IL12B: variants seen among roughly 807,000 people sequenced by gnomAD.
The protein encoded by IL12B is interleukin-12 subunit beta.
A neutral mutation model predicts 39.2 loss-of-function variants in IL12B; 27 were observed. The observed-to-expected ratio is 0.69, with a 90% CI of 0.51 to 0.95. IL12B has a LOEUF of 0.95. Ranked by LOEUF, IL12B falls within the 40% of genes least tolerant of loss-of-function variation. The pLI is 0.00. For synonymous variants in IL12B, 142 were observed against 152.1 expected (o/e 0.93, Z 0.49); for missense variants, 351 against 397.6 (o/e 0.88, Z 1.00).
At chr5:159,319,914 TA>T (rs1453041684) in intron 5 of IL12B, among the ~76,000 whole-genome samples, 2 of 152,222 alleles carry the variant, frequency 1.3e-5, no homozygotes, top group Non-Finnish European at 1.5e-5. Flanking sequence ...TTTCAAATGC[TA>T]AGGAAGGATT....
chr5:159,323,696 A>G (rs980449558), intron 2 of IL12B, among the ~76,000 whole-genome samples: 1 of 152,146 alleles, frequency 6.6e-6, no homozygotes, highest in Non-Finnish European at 1.5e-5. Context: ...TTCATAGAGA[A>G]TACGGCAGGG....
intron 3 of IL12B, among the ~76,000 whole-genome samples, chr5:159,322,847 C>T (rs1754116289): frequency 6.6e-6 from 1 of 152,078 alleles, no homozygotes; most frequent in Non-Finnish European, 1.5e-5. Flanking sequence ...CATGAAACTC[C>T]CTTAATATGA....
chr5:159,324,032 T>C (rs1197851042), intron 2 of IL12B, among the ~76,000 whole-genome samples: 1 of 152,162 alleles, frequency 6.6e-6, no homozygotes, highest in Non-Finnish European at 1.5e-5. Flanking sequence ...CAATTTTCCA[T>C]GGATATTTAA....
intron 4 of IL12B, 50 bp from the exon 5 acceptor site, chr5:159,320,570 T>A: frequency 6.8e-7 from 1 of 1,474,524 alleles, no homozygotes; most frequent in Non-Finnish European, 9.5e-7. Flanking sequence ...GGGAGAGAGT[T>A]CCTAGTGATT....
Position 159,315,375 on chromosome 5 carries a change from G to A in IL12B, c.*726C>T, listed in dbSNP as rs1441890099. On this transcript the variant is annotated 3_prime_UTR_variant, in exon 8 of 8. Transcript: ENST00000231228. ...GCCTGGCTAATTTTAAATTTTTTTT[G>A]TAGAGACGGGGTCTTGTTATGTTTC... The A allele has an allele frequency of 6.6e-6, 1 of 152,024 alleles. No individual in the cohort carries two copies. The highest frequency in any genetic ancestry group is 1.5e-5 in the Non-Finnish European group (1 of 68,000). 9.4% of individuals were successfully genotyped at this position (152,024 alleles called of 1,614,324 possible).
At position 159,322,485 on chromosome 5, in the gene IL12B, A is replaced by T. The variant is rs1235118140; in HGVS notation, c.391T>A (p.Cys131Ser). ...KEPKNKTFLR[C>S]EAKNYSGRFT... ...CGTCCAGAATAATTCTTGGCCTCGC[A>T]TCTTAGAAAGGTCTTATTTTTGGGT... The change falls in exon 4 of 8, where the codon TGC becomes AGC. Residue 131 changes from cysteine to serine, a missense_variant. Cys to Ser is a moderately radical substitution (Grantham distance 112, BLOSUM62 -1). Transcript: ENST00000231228. 1 of 1,613,594 alleles carries T rather than the reference A, an allele frequency of 6.2e-7. No homozygotes were observed. The highest frequency in any genetic ancestry group is 1.7e-5 in the Admixed American group (1 of 60,018).
Position 159,323,237 on chromosome 5 carries a change from T to A in IL12B, c.181A>T (p.Thr61Ser). Reference sequence around the variant, plus strand: ...AAGACCTCACTGCTCTGGTCCAAGGTCCAGGTGATACCATCTTCTTCAGGG... The same window carrying A: ...AAGACCTCACTGCTCTGGTCCAAGGACCAGGTGATACCATCTTCTTCAGGG... ...DTPEEDGITW[T>S]LDQSSEVLGS... The change falls in exon 3 of 8, where the codon ACC becomes TCC. Residue 61 changes from threonine to serine, a missense_variant. Thr to Ser is a moderately conservative substitution (Grantham distance 58, BLOSUM62 1). Coordinates refer to ENST00000231228, the MANE Select transcript of IL12B (RefSeq NM_002187.3). 1 of 1,614,096 alleles carries A rather than the reference T, an allele frequency of 6.2e-7. No individual in the cohort carries two copies. Among genetic ancestry groups the A allele is most frequent in the Non-Finnish European group, 8.5e-7 (1 of 1,179,988 alleles).
chr5:159,327,915 G>A (rs1754219035), intron 1 of IL12B, among the ~76,000 whole-genome samples: 1 of 152,194 alleles, frequency 6.6e-6, no homozygotes, highest in African/African-American at 2.4e-5. Flanking sequence ...TACGAATGAG[G>A]TAGGGATGAT....
chr5:159,319,065 C>T lies in IL12B; in HGVS notation c.698-172G>A, dbSNP rs528709369. On this transcript the variant is annotated intron_variant, in intron 5 of 7. Coordinates refer to ENST00000231228, the MANE Select transcript of IL12B (RefSeq NM_002187.3). ...GAGGCACCTCTGCCGCAGGTGCTCA[C>T]GCTGGTGCCTCGGGAAGGCAGTCAT... Among the ~76,000 whole-genome samples the T allele has an allele frequency of 5.9e-5, 9 of 152,278 alleles. No homozygotes were observed. The East Asian group carries it at 9.7e-4, about 16-fold the overall frequency.
In IL12B at chr5:159,316,707, C is replaced by A. The variant is rs934330712; in HGVS notation, c.965G>T (p.Trp322Leu). 6.2e-7 allele frequency: 1 copy of A among 1,613,578 alleles called. No individual in the cohort carries two copies. Among genetic ancestry groups the A allele is most frequent in the Admixed American group, 1.7e-5 (1 of 60,006 alleles). Residue 322 changes from tryptophan to leucine, a missense_variant, in exon 7 of 8, where the codon TGG becomes TTG. Coordinates refer to ENST00000231228, the MANE Select transcript of IL12B (RefSeq NM_002187.3). The stretch of plus-strand genomic sequence containing the variant: ...CACCTAACTGCAGGGCACAGATGCC[C>A]ATTCGCTCCAAGATGAGCTATAGTA... ...DRYYSSSWSEWASVPCS is the reference protein window; with the variant it reads ...DRYYSSSWSELASVPCS
chr5:159,319,470 G>A (rs1175549817), intron 5 of IL12B, among the ~76,000 whole-genome samples: 2 of 152,216 alleles, frequency 1.3e-5, no homozygotes, highest in Non-Finnish European at 1.5e-5. Context: ...GAAGGATACA[G>A]CAGTGAGTTT....
In IL12B at chr5:159,316,834, A is replaced by G; in HGVS notation, c.856-18T>C. 1 of 1,613,798 alleles carries G rather than the reference A, an allele frequency of 6.2e-7. No homozygotes were observed. The highest frequency in any genetic ancestry group is 8.5e-7 in the Non-Finnish European group (1 of 1,179,968). On this transcript the variant is annotated intron_variant, in intron 6 of 7. Coordinates refer to ENST00000231228, the MANE Select transcript of IL12B (RefSeq NM_002187.3). The stretch of plus-strand genomic sequence containing the variant: ...CTATCTTTCTGCAAAAGAGAAGGAA[A>G]GCTGTGAAGACCCCTTGGCAACATA...
chr5:159,319,690 T>C (rs2113025126), intron 5 of IL12B, among the ~76,000 whole-genome samples: 1 of 152,344 alleles, frequency 6.6e-6, no homozygotes, highest in African/African-American at 2.4e-5. Context: ...CAGAGAGGCC[T>C]TCCTTGGCCA....
chr5:159,330,107 G>A (rs1364758292), intron 1 of IL12B, among the ~76,000 whole-genome samples: 3 of 152,030 alleles, frequency 2.0e-5, no homozygotes, highest in Non-Finnish European at 4.4e-5. Flanking sequence ...TTAACTGATG[G>A]GCATTAACAT....
rs567462873 is a variant in IL12B, at chr5:159,320,415, G to C, written c.588C>G (p.Asp196Glu). The C allele has an allele frequency of 6.2e-7, 1 of 1,614,070 alleles. No individual in the cohort carries two copies. The highest frequency in any genetic ancestry group is 8.5e-7 in the Non-Finnish European group (1 of 1,179,950). ...TCTCCTCAGCAGCTGGGCAGGCACT[G>C]TCCTCCTGGCACTCCACTGAGTACT... ...EYEYSVECQEDSACPAAEESL... is the reference protein window; with the variant it reads ...EYEYSVECQEESACPAAEESL... Residue 196 changes from aspartate (D) to glutamate (E), a missense_variant, in exon 5 of 8, where the codon GAC becomes GAG. By Grantham distance (45) the Asp-to-Glu change is conservative. Coordinates refer to ENST00000231228, the MANE Select transcript of IL12B (RefSeq NM_002187.3).
chr5:159,327,425 G>C (rs1275939209), intron 1 of IL12B, among the ~76,000 whole-genome samples: 1 of 152,206 alleles, frequency 6.6e-6, no homozygotes, highest in Non-Finnish European at 1.5e-5. Flanking sequence ...CGAACTTTCA[G>C]GTTCTGGCAA....
intron 1 of IL12B, among the ~76,000 whole-genome samples, chr5:159,330,199 C>G (rs1171221143): frequency 6.6e-6 from 1 of 152,204 alleles, no homozygotes; most frequent in Non-Finnish European, 1.5e-5. Context: ...TGCATACACA[C>G]AGATCTTGCT....
At chr5:159,317,552 G>T (rs535698644) in intron 6 of IL12B, among the ~76,000 whole-genome samples, 2 of 152,262 alleles carry the variant, frequency 1.3e-5, no homozygotes, top group South Asian at 4.1e-4. Context: ...GCTGAATTAG[G>T]GCTTTGTCCA....
At position 159,322,482 on chromosome 5, in the gene IL12B, C is replaced by T. The variant is rs139186048; in HGVS notation, c.394G>A (p.Glu132Lys). 88 of 1,613,366 alleles carry T rather than the reference C, an allele frequency of 5.5e-5. No individual in the cohort carries two copies. The highest frequency in any genetic ancestry group is 1.2e-4 in the Admixed American group (7 of 59,978). ...AAACGTCCAGAATAATTCTTGGCCT[C>T]GCATCTTAGAAAGGTCTTATTTTTG... The part of the protein sequence containing the change: ...EPKNKTFLRC[E>K]AKNYSGRFTC... The change falls in exon 4 of 8, where the codon GAG becomes AAG. Residue 132 changes from glutamate (E) to lysine (K), a missense_variant. Physicochemically the swap from Glu to Lys is moderately conservative, Grantham distance 56. Coordinates refer to ENST00000231228, the MANE Select transcript of IL12B (RefSeq NM_002187.3).
Sources: gnomAD v4.1 joint callset for allele counts (sites outside exome capture counted in the v4.1 genomes callset) on GRCh38, gnomAD v4.1.1 for gene constraint, MANE v1.5 for transcripts, NCBI Gene and HGNC (gene_info 2026-07-23, HGNC 2026-07-21) for gene names.